The following ABCB1 variants were observed in gnomAD, a reference collection of about 807,000 sequenced individuals.
ABCB1 encodes ATP binding cassette subfamily B member 1.
Under a neutral mutation model 142.0 loss-of-function variants are expected in ABCB1, and 69 were observed. That is an observed-to-expected ratio of 0.49 (90% CI 0.40 to 0.59). The LOEUF is 0.59. ABCB1 is among the 20% of genes least tolerant of loss of function. ABCB1 has a pLI of 0.00. For missense variants in ABCB1, 1,326 were observed against 1,554.7 expected, an observed-to-expected ratio of 0.85 and a Z score of 2.47; for synonymous variants, 532 against 539.2, an observed-to-expected ratio of 0.99 and a Z score of 0.18.
chr7:87,519,556 G>A (rs915231391), intron 22 of ABCB1, 90 bp from the exon 23 acceptor site: 22 of 1,511,648 alleles, frequency 1.5e-5, no homozygotes, highest in Non-Finnish European at 1.8e-5. Flanking sequence ...GGGCACAGAG[G>A]CATGACCAAC....
chr7:87,519,395 T>C lies in ABCB1; in HGVS notation c.2858A>G (p.Tyr953Cys), dbSNP rs764408569. The change falls in exon 23 of 28, where the codon TAT (tyrosine) becomes TGT (cysteine). Residue 953 changes from tyrosine (Y) to cysteine (C), a missense_variant. Coordinates refer to ENST00000622132, the MANE Select transcript of ABCB1 (RefSeq NM_001348946.2). ...SFTQAMMYFS[Y>C]AGCFRFGAYL... ...GGCTCCAAACCGGAAACATCCAGCA[T>C]AGGAAAAATACATCATTGCCTGGGT... 6.2e-7 allele frequency: 1 copy of C among 1,614,160 alleles called. No homozygotes were observed. Among genetic ancestry groups the C allele is most frequent in the Non-Finnish European group, 8.5e-7 (1 of 1,179,994 alleles).
At chr7:87,673,709 TCATTTCAGC>T (rs1472519101) in intron 1 of ABCB1, among the ~76,000 whole-genome samples, 1 of 152,214 alleles carries the variant, frequency 6.6e-6, no homozygotes, top group Non-Finnish European at 1.5e-5. Flanking sequence ...TCTATGTCAC[TCATTTCAGC>T]CATTTCAGCA....
chr7:87,595,852 AGTAC>A, intron 2 of ABCB1, 38 bp from the exon 3 acceptor site: 1 of 1,541,100 alleles, frequency 6.5e-7, no homozygotes, highest in Non-Finnish European at 9.0e-7. Context: ...AACTTTAAAA[AGTAC>A]ATATTTTTTA....
chr7:87,640,455 A>C (rs1411228324), intron 1 of ABCB1, among the ~76,000 whole-genome samples: 1 of 151,838 alleles, frequency 6.6e-6, no homozygotes, highest in Non-Finnish European at 1.5e-5. Context: ...GGTTCCAGTG[A>C]TCCTCAGCCT....
chr7:87,700,502 A>G (rs1828937939), intron 1 of ABCB1: 1 of 1,613,676 alleles, frequency 6.2e-7, no homozygotes, highest in Non-Finnish European at 8.5e-7. Context: ...GTTTCACAGA[A>G]TTGTATCTGC....
In ABCB1 at chr7:87,650,436, C is replaced by T. The variant is rs73705294; in HGVS notation, c.-330-49358G>A. 3.0e-3 allele frequency among the ~76,000 whole-genome samples: 455 copies of T among 152,226 alleles called. 3 individuals are homozygous for T. The highest frequency in any genetic ancestry group is 0.01 in the African/African-American group (427 of 41,534). On this transcript the variant is annotated intron_variant, in intron 1 of 28. Transcript: ENST00000265724. ...AGATGACACCTTCTGTGTGTCTTTA[C>T]ATGGCAGAAGAGGCAAACAAGCTCC...
chr7:87,682,858 G>A (rs1161961392), intron 1 of ABCB1, among the ~76,000 whole-genome samples: 4 of 152,146 alleles, frequency 2.6e-5, no homozygotes, highest in African/African-American at 7.2e-5. Context: ...CCTTTGAAGC[G>A]TTAAAGCCAG....
intron 1 of ABCB1, among the ~76,000 whole-genome samples, chr7:87,696,049 G>C (rs996827568): frequency 2.0e-5 from 3 of 152,122 alleles, no homozygotes; most frequent in Non-Finnish European, 4.4e-5. Flanking sequence ...GATGAAGAGA[G>C]TTGGATTGAT....
chr7:87,622,770 G>A (rs1281158527), intron 1 of ABCB1, among the ~76,000 whole-genome samples: 2 of 152,160 alleles, frequency 1.3e-5, no homozygotes, highest in Non-Finnish European at 2.9e-5. Flanking sequence ...GGTGGTGCAT[G>A]CCTGTAATCC....
intron 21 of ABCB1, among the ~76,000 whole-genome samples, chr7:87,522,746 T>A (rs1420458068): frequency 1.3e-5 from 2 of 150,938 alleles, no homozygotes; most frequent in Admixed American, 6.6e-5. Flanking sequence ...AATAAATGTG[T>A]CCTTTTTTTT....
At chr7:87,688,792 A>AT (rs1827730810) in intron 1 of ABCB1, among the ~76,000 whole-genome samples, 1 of 151,934 alleles carries the variant, frequency 6.6e-6, no homozygotes, top group Non-Finnish European at 1.5e-5. Context: ...TGTTTGAGTC[A>AT]TATTATTGTA....
intron 1 of ABCB1, among the ~76,000 whole-genome samples, chr7:87,702,017 C>A (rs1482157718): frequency 2.0e-5 from 3 of 151,414 alleles, no homozygotes; most frequent in Non-Finnish European, 4.4e-5. Flanking sequence ...GTGGTGGGCA[C>A]CTGTAATCCC....
chr7:87,674,983 T>C (rs981025820), intron 1 of ABCB1, among the ~76,000 whole-genome samples: 14 of 152,242 alleles, frequency 9.2e-5, no homozygotes, highest in African/African-American at 3.4e-4. Context: ...TTGCACAGGC[T>C]GGAGCCCTGT....
chr7:87,692,697 GAT>G (rs1828125876), intron 1 of ABCB1, among the ~76,000 whole-genome samples: 2 of 152,134 alleles, frequency 1.3e-5, no homozygotes, highest in South Asian at 2.1e-4. Flanking sequence ...TTAGGACAGA[GAT>G]AGTAAATGTG....
intron 25 of ABCB1, 138 bp from the exon 26 acceptor site, chr7:87,509,619 A>C (rs1388298362): frequency 1.1e-6 from 1 of 902,380 alleles, no homozygotes; most frequent in Non-Finnish European, 1.8e-6. Context: ...AAATTTGGAT[A>C]GTGAAGGTTA....
chr7:87,618,301 G>C (rs547815830), intron 1 of ABCB1, among the ~76,000 whole-genome samples: 54 of 152,262 alleles, frequency 3.5e-4, no homozygotes, highest in Middle Eastern at 3.4e-3. Flanking sequence ...TAAGCTCTAT[G>C]AGAGCAGGAA....
At chr7:87,679,798 A>G (rs764562965) in intron 1 of ABCB1, among the ~76,000 whole-genome samples, 9 of 150,734 alleles carry the variant, frequency 6.0e-5, no homozygotes, top group African/African-American at 1.2e-4. Context: ...GAGCCATAAA[A>G]GAAACCTTAG....
At chr7:87,615,463 G>A (rs906697198) in intron 1 of ABCB1, among the ~76,000 whole-genome samples, 1 of 152,198 alleles carries the variant, frequency 6.6e-6, no homozygotes, top group Non-Finnish European at 1.5e-5. Context: ...CTGAGTGAGA[G>A]AGAAAACCAT....
intron 1 of ABCB1, among the ~76,000 whole-genome samples, chr7:87,689,799 T>C (rs921817222): frequency 6.6e-6 from 1 of 152,158 alleles, no homozygotes; most frequent in African/African-American, 2.4e-5. Flanking sequence ...GTGAACAATA[T>C]CGCTGCAAGC....
Sources: gnomAD v4.1 joint callset for allele counts (sites outside exome capture counted in the v4.1 genomes callset) on GRCh38, gnomAD v4.1.1 for gene constraint, MANE v1.5 for transcripts, NCBI Gene and HGNC (gene_info 2026-07-23, HGNC 2026-07-21) for gene names.